The following PHACTR1 variants were observed in gnomAD, a reference collection of about 807,000 sequenced individuals.
PHACTR1 encodes the protein RPEL repeat containing 1.
A neutral mutation model predicts 69.2 loss-of-function variants in PHACTR1; 16 were observed. The observed-to-expected ratio is 0.23, with a 90% CI of 0.16 to 0.35. The LOEUF is 0.35. Among genes scored for constraint, PHACTR1 ranks in the 10% least tolerant of loss-of-function variants. The probability of loss-of-function intolerance (pLI) is 1.00; values close to 1 mark genes in which losing one functional copy is unlikely to be tolerated. For synonymous variants in PHACTR1, 312 were observed against 284.5 expected (o/e 1.10, Z -0.97); for missense variants, 510 against 734.7 (o/e 0.69, Z 3.54).
At position 12,994,330 on chromosome 6, in the gene PHACTR1, C is replaced by A. The variant is rs1021553054; in HGVS notation, c.251-59035C>A. ...CCTCAAGAGGTGGGATTTTTCCCCC[C>A]CTTGGAGAAGTTAAATCCAAAAGCA... On this transcript the variant is annotated intron_variant, in intron 4 of 14. Coordinates refer to ENST00000332995, the MANE Select transcript of PHACTR1 (RefSeq NM_030948.6). 2.0e-5 allele frequency among the ~76,000 whole-genome samples: 3 copies of A among 152,216 alleles called. No individual in the cohort carries two copies. The South Asian group carries it at 6.2e-4, about 32-fold the overall frequency.
intron 8 of PHACTR1, among the ~76,000 whole-genome samples, chr6:13,223,290 T>C (rs929919832): frequency 1.3e-5 from 2 of 152,220 alleles, no homozygotes; most frequent in African/African-American, 4.8e-5. Flanking sequence ...CAGAAAATTT[T>C]TTCTTTAAGG....
chr6:13,025,732 G>C (rs562484896), intron 4 of PHACTR1, among the ~76,000 whole-genome samples: 3 of 145,430 alleles, frequency 2.1e-5, no homozygotes, highest in African/African-American at 5.3e-5. Context: ...GGTGTGTATG[G>C]AATGTCCTAG....
intron 4 of PHACTR1, among the ~76,000 whole-genome samples, chr6:12,863,067 GCTTTAT>G (rs1161135033): frequency 8.1e-4 from 124 of 152,192 alleles, no homozygotes; most frequent in African/African-American, 2.8e-3. Context: ...CCATTAAAGG[GCTTTAT>G]GAACTCTACA....
intron 4 of PHACTR1, among the ~76,000 whole-genome samples, chr6:12,992,021 C>G (rs1248388741): frequency 6.6e-6 from 1 of 151,722 alleles, no homozygotes; most frequent in Non-Finnish European, 1.5e-5. Flanking sequence ...CCAAATCCAC[C>G]GACAACACAC....
intron 4 of PHACTR1, among the ~76,000 whole-genome samples, chr6:12,833,293 C>A (rs1232487072): frequency 6.6e-6 from 1 of 151,482 alleles, no homozygotes; most frequent in African/African-American, 2.4e-5. Flanking sequence ...GAGTCCTGCT[C>A]TGTCACCCAG....
rs58571739 is a variant in PHACTR1 at position 13,179,445 on chromosome 6, T to TGTGTGTGTGTG, written c.497-3074_497-3073insGTGTGTGTGTG. ...GTGTGTGTGTGTGTGTGTGTGTGTG[T>TGTGTGTGTGTG]TTAAAAATGTCATAATAAAAAATTT... On this transcript the variant is annotated intron_variant, in intron 6 of 14. Transcript: ENST00000332995. This position sits in a 1 kb window ranked among gnomAD's most constrained non-coding sequence, Gnocchi z 4.2. 3.4e-4 allele frequency among the ~76,000 whole-genome samples: 50 copies of TGTGTGTGTGTG among 148,254 alleles called. No individual in the cohort carries two copies. The highest frequency in any genetic ancestry group is 6.1e-4 in the Admixed American group (9 of 14,874).
chr6:12,767,038 T>C (rs945876552), intron 4 of PHACTR1, among the ~76,000 whole-genome samples: 4 of 152,234 alleles, frequency 2.6e-5, no homozygotes, highest in Admixed American at 2.6e-4. Flanking sequence ...TTTTGTCCCC[T>C]CACATTGTAT....
intron 4 of PHACTR1, among the ~76,000 whole-genome samples, chr6:12,969,761 A>T (rs1252580490): frequency 6.6e-6 from 1 of 152,142 alleles, no homozygotes; most frequent in African/African-American, 2.4e-5. Context: ...CAGGAATTGG[A>T]GACCAGCCTG....
intron 4 of PHACTR1, among the ~76,000 whole-genome samples, chr6:12,762,174 A>G (rs906200722): frequency 3.9e-5 from 6 of 152,194 alleles, no homozygotes; most frequent in Non-Finnish European, 5.9e-5. Context: ...GGCAGAAGCA[A>G]ATTTATGACT....
chr6:13,074,481 A>T (rs1431419576), intron 5 of PHACTR1, among the ~76,000 whole-genome samples: 1 of 152,212 alleles, frequency 6.6e-6, no homozygotes, highest in Admixed American at 6.5e-5. Flanking sequence ...AAAATTTTAG[A>T]TGCACTTACC....
At chr6:13,194,311 G>A (rs1764039681) in intron 7 of PHACTR1, among the ~76,000 whole-genome samples, 1 of 151,574 alleles carries the variant, frequency 6.6e-6, no homozygotes, top group African/African-American at 2.4e-5. Flanking sequence ...GCTGAGGCAG[G>A]AGAATTGCTT....
chr6:12,941,327 T>C (rs1281259648), intron 4 of PHACTR1, among the ~76,000 whole-genome samples: 1 of 152,224 alleles, frequency 6.6e-6, no homozygotes, highest in Non-Finnish European at 1.5e-5. Context: ...CATCTGGTGC[T>C]TGGCCCACTG....
intron 6 of PHACTR1, among the ~76,000 whole-genome samples, chr6:13,163,268 C>A (rs1347087240): frequency 1.3e-5 from 2 of 152,150 alleles, no homozygotes; most frequent in Non-Finnish European, 2.9e-5. Flanking sequence ...ATAAGTAAAT[C>A]TGTACATACA....
chr6:13,109,833 C>CGTGTGTGTGT (rs58370068), intron 5 of PHACTR1, among the ~76,000 whole-genome samples: 3,522 of 146,138 alleles, frequency 0.024, 66 homozygotes, highest in South Asian at 0.052. Context: ...ATTTTTTCAG[C>CGTGTGTGTGT]GTGTGTGTGT....
intron 8 of PHACTR1, among the ~76,000 whole-genome samples, chr6:13,222,398 A>G (rs1262667174): frequency 1.3e-5 from 2 of 152,196 alleles, no homozygotes; most frequent in Non-Finnish European, 2.9e-5. Flanking sequence ...TGGGGTAACT[A>G]ACAGCTCAGG....
intron 9 of PHACTR1, 62 bp from the exon 10 acceptor site, chr6:13,229,975 T>G (rs999129696): frequency 6.7e-7 from 1 of 1,498,434 alleles, no homozygotes; most frequent in East Asian, 2.4e-5. Context: ...GACCCAGGGT[T>G]GGCCCTGTGG....
At chr6:13,012,544 G>T (rs1300401485) in intron 4 of PHACTR1, among the ~76,000 whole-genome samples, 6 of 152,206 alleles carry the variant, frequency 3.9e-5, no homozygotes, top group Admixed American at 3.9e-4. Flanking sequence ...TTGGGAGCAG[G>T]TACACCTGGC....
chr6:12,775,626 A>G (rs1397005784), intron 4 of PHACTR1, among the ~76,000 whole-genome samples: 2 of 152,270 alleles, frequency 1.3e-5, no homozygotes, highest in African/African-American at 4.8e-5. Context: ...ATGCAAATTT[A>G]TATGAGATAC....
intron 4 of PHACTR1, among the ~76,000 whole-genome samples, chr6:13,038,125 T>C (rs1458537205): frequency 6.6e-6 from 1 of 152,186 alleles, no homozygotes; most frequent in Non-Finnish European, 1.5e-5. Flanking sequence ...CCAAATATTA[T>C]TTTGTATGAA....
Sources: gnomAD v4.1 joint callset for allele counts (sites outside exome capture counted in the v4.1 genomes callset) on GRCh38, gnomAD v4.1.1 for gene constraint, Gnocchi (gnomAD v3.1) non-coding constraint, MANE v1.5 for transcripts, NCBI Gene and HGNC (gene_info 2026-07-23, HGNC 2026-07-21) for gene names.